Variants in ACOXL observed in about 807,000 individuals in gnomAD.
ACOXL encodes acyl-coenzyme A oxidase-like protein.
Under a neutral mutation model 71.9 loss-of-function variants are expected in ACOXL, and 70 were observed. The ratio of observed to expected loss-of-function variants is 0.97; its 90% CI spans 0.80 to 1.19. The LOEUF (loss-of-function observed/expected upper bound fraction) is 1.19, where lower values mean the gene tolerates loss of function less well. ACOXL is among the 50% of genes most tolerant of loss of function. The pLI is 0.00. For synonymous variants in ACOXL, 253 were observed against 281.6 expected (o/e 0.90, Z 1.02); for missense variants, 703 against 736.3 (o/e 0.95, Z 0.52).
intron 10 of ACOXL, among the ~76,000 whole-genome samples, chr2:110,845,003 C>T (rs1443973908): frequency 2.0e-5 from 3 of 152,152 alleles, no homozygotes; most frequent in Non-Finnish European, 4.4e-5. Context: ...ATCCTTTAGT[C>T]GATTACTTTT....
At chr2:110,847,189 T>G (rs566624665) in intron 10 of ACOXL, among the ~76,000 whole-genome samples, 1 of 151,990 alleles carries the variant, frequency 6.6e-6, no homozygotes, top group South Asian at 2.1e-4. Context: ...GGGTGTTTTG[T>G]TTTTTTCTCT....
intron 14 of ACOXL, among the ~76,000 whole-genome samples, chr2:110,996,656 G>A (rs1333853670): frequency 6.6e-6 from 1 of 152,158 alleles, no homozygotes; most frequent in African/African-American, 2.4e-5. Flanking sequence ...AAGAGTCCAG[G>A]TTGCTTCTCT....
At chr2:110,948,114 A>T (rs2061179332) in intron 12 of ACOXL, among the ~76,000 whole-genome samples, 1 of 152,222 alleles carries the variant, frequency 6.6e-6, no homozygotes, top group South Asian at 2.1e-4. Flanking sequence ...AAACAGCCAA[A>T]GCAGGGTGAA....
chr2:111,005,659 G>T (rs537708721), intron 14 of ACOXL, among the ~76,000 whole-genome samples: 45 of 152,342 alleles, frequency 3.0e-4, no homozygotes, highest in African/African-American at 1.0e-3. Flanking sequence ...CAGGTCACCT[G>T]CTTGGGGTTT....
intron 1 of ACOXL, among the ~76,000 whole-genome samples, chr2:110,736,491 A>G (rs1327585160): frequency 1.3e-5 from 2 of 152,094 alleles, no homozygotes; most frequent in Admixed American, 6.5e-5. Context: ...TTGTTCTTCT[A>G]TGACTGGCTT....
chr2:110,941,505 C>T (rs954356300), intron 12 of ACOXL, among the ~76,000 whole-genome samples: 2 of 152,168 alleles, frequency 1.3e-5, no homozygotes, highest in South Asian at 4.1e-4. Context: ...ATTTCTGGGG[C>T]TGTTTTTGTT....
intron 1 of ACOXL, among the ~76,000 whole-genome samples, chr2:110,764,719 TAGTG>T (rs1680829049): frequency 6.6e-6 from 1 of 152,206 alleles, no homozygotes. Context: ...GGGATTTTGA[TAGTG>T]AGGGAGGCTA....
intron 15 of ACOXL, among the ~76,000 whole-genome samples, chr2:111,042,734 G>T (rs1373294434): frequency 6.6e-6 from 1 of 152,212 alleles, no homozygotes; most frequent in Non-Finnish European, 1.5e-5. Context: ...GGCCAAGGAA[G>T]GGAAGGAGTT....
chr2:110,799,232 A>G (rs2105314478), intron 7 of ACOXL, 132 bp downstream of exon 7: 1 of 815,784 alleles, frequency 1.2e-6, no homozygotes, highest in Non-Finnish European at 2.1e-6. Context: ...GAAGATGTCC[A>G]GATTTTGAAG....
chr2:110,793,818 T>G, intron 4 of ACOXL, 82 bp downstream of exon 4: 1 of 1,147,730 alleles, frequency 8.7e-7, no homozygotes, highest in Non-Finnish European at 1.3e-6. Context: ...GTGTATGTGT[T>G]TGAAGAAAAA....
chr2:110,980,157 C>A (rs2062639749), intron 12 of ACOXL, among the ~76,000 whole-genome samples: 1 of 152,200 alleles, frequency 6.6e-6, no homozygotes, highest in South Asian at 2.1e-4. Flanking sequence ...GAGTTACAGC[C>A]CTCACCTGCA....
chr2:110,803,309 G>T (rs1686216725), intron 8 of ACOXL, among the ~76,000 whole-genome samples: 3 of 152,184 alleles, frequency 2.0e-5, no homozygotes, highest in Admixed American at 1.3e-4. Flanking sequence ...TGTGGTATTT[G>T]AATAAGGATA....
At chr2:110,762,275 C>T (rs1001825254) in intron 1 of ACOXL, among the ~76,000 whole-genome samples, 7 of 152,138 alleles carry the variant, frequency 4.6e-5, no homozygotes, top group Non-Finnish European at 8.8e-5. Flanking sequence ...TATTTTTAGA[C>T]TTAAAAAATT....
In ACOXL at chr2:110,875,072, C is replaced by A. The variant is rs535329886; in HGVS notation, c.788+33667C>A. Among the ~76,000 whole-genome samples the A allele has an allele frequency of 3.3e-5, 5 of 152,306 alleles. No homozygotes were observed. In the South Asian group the frequency reaches 1.0e-3, roughly 32 times the overall value. Reference sequence around the variant, plus strand: ...TTGCCACGTGGCTCCGCTCCGTAACCTGAAGGCAGCCTCTGAGCCGGTCCC... The same window carrying A: ...TTGCCACGTGGCTCCGCTCCGTAACATGAAGGCAGCCTCTGAGCCGGTCCC... On this transcript the variant is annotated intron_variant, in intron 10 of 17. Transcript: ENST00000439055.
At chr2:110,946,430 G>A (rs149550301) in intron 12 of ACOXL, among the ~76,000 whole-genome samples, 17 of 152,246 alleles carry the variant, frequency 1.1e-4, no homozygotes, top group African/African-American at 3.9e-4. Flanking sequence ...CTGAATATAA[G>A]TGGTGAGAGT....
At chr2:110,812,122 A>G (rs537496786) in intron 9 of ACOXL, among the ~76,000 whole-genome samples, 1 of 152,332 alleles carries the variant, frequency 6.6e-6, no homozygotes, top group South Asian at 2.1e-4. Flanking sequence ...TGTTGGACTC[A>G]AGACCAAGGT....
At chr2:110,969,832 A>G (rs1349011345) in intron 12 of ACOXL, among the ~76,000 whole-genome samples, 1 of 151,960 alleles carries the variant, frequency 6.6e-6, no homozygotes, top group Non-Finnish European at 1.5e-5. Flanking sequence ...AAAAAAAAAG[A>G]ATGCTAGAAA....
At position 111,048,654 on chromosome 2, in the gene ACOXL, C is replaced by T. The variant is rs531924834; in HGVS notation, c.1370-564C>T. On this transcript the variant is annotated intron_variant, in intron 15 of 17. Coordinates refer to ENST00000439055, the MANE Select transcript of ACOXL (RefSeq NM_001142807.4). ...GGCCAATTTCAATGGATTACTAAAA[C>T]TTTTTTTTTTTCTCGTAAATCTTCT... 2.7e-5 allele frequency among the ~76,000 whole-genome samples: 4 copies of T among 148,388 alleles called. No homozygotes were observed. In the East Asian group the frequency reaches 7.8e-4, roughly 29 times the overall value.
intron 15 of ACOXL, among the ~76,000 whole-genome samples, chr2:111,035,577 T>C (rs1226090569): frequency 6.6e-6 from 1 of 152,250 alleles, no homozygotes; most frequent in Non-Finnish European, 1.5e-5. Flanking sequence ...GTACTTCTCA[T>C]TATGCAGCAG....
Sources: allele counts gnomAD v4.1 joint callset (sites outside exome capture counted in the v4.1 genomes callset), GRCh38; gene constraint gnomAD v4.1.1; transcripts MANE v1.5; gene names NCBI Gene and HGNC (gene_info 2026-07-23, HGNC 2026-07-21).